The following DLG2 variants were observed in gnomAD, a reference collection of about 807,000 sequenced individuals.
DLG2 encodes disks large homolog 2.
Under a neutral mutation model 132.5 loss-of-function variants are expected in DLG2, and 45 were observed. The observed-to-expected ratio is 0.34, with a 90% CI of 0.27 to 0.44. The LOEUF (loss-of-function observed/expected upper bound fraction) is 0.44, where lower values mean the gene tolerates loss of function less well. DLG2 is among the 20% of genes least tolerant of loss of function. The pLI, the probability that DLG2 is intolerant of heterozygous loss-of-function variation, is 1.00. For missense variants in DLG2, 1,045 were observed against 1,196.9 expected, an observed-to-expected ratio of 0.87 and a Z score of 1.87; for synonymous variants, 424 against 419.6, an observed-to-expected ratio of 1.01 and a Z score of -0.13.
chr11:83,718,531 A>G (rs1380689318), intron 18 of DLG2, among the ~76,000 whole-genome samples: 7 of 132,680 alleles, frequency 5.3e-5, no homozygotes, highest in African/African-American at 2.0e-4. Flanking sequence ...TCTCAAAAAA[A>G]GAAAAAAAAA....
chr11:83,541,020 T>C (rs2141463189), intron 20 of DLG2, among the ~76,000 whole-genome samples: 1 of 152,224 alleles, frequency 6.6e-6, no homozygotes, highest in South Asian at 2.1e-4. Context: ...AAGAAATGCT[T>C]GGAAGAGAAA....
chr11:84,550,241 T>C (rs1004261167), intron 6 of DLG2, among the ~76,000 whole-genome samples: 1 of 152,120 alleles, frequency 6.6e-6, no homozygotes, highest in Non-Finnish European at 1.5e-5. Context: ...TTGTAGAGTA[T>C]TGTAGCATCC....
intron 4 of DLG2, among the ~76,000 whole-genome samples, chr11:85,211,993 T>A (rs539242243): frequency 6.6e-6 from 1 of 152,256 alleles, no homozygotes; most frequent in East Asian, 1.9e-4. Flanking sequence ...TTTCTGCTTA[T>A]CTACCTAATT....
chr11:84,039,389 T>C (rs920629075), intron 11 of DLG2, among the ~76,000 whole-genome samples: 1 of 114,572 alleles, frequency 8.7e-6, no homozygotes, highest in Admixed American at 1.1e-4. Flanking sequence ...CCCACAACAG[T>C]CCCCAGAGTG....
chr11:85,171,087 T>A (rs2078832136), intron 4 of DLG2, among the ~76,000 whole-genome samples: 1 of 152,140 alleles, frequency 6.6e-6, no homozygotes, highest in Non-Finnish European at 1.5e-5. Context: ...ACAAAATATT[T>A]ACCTAAATGC....
At chr11:84,127,788 C>T (rs1371682659) in intron 9 of DLG2, among the ~76,000 whole-genome samples, 3 of 152,112 alleles carry the variant, frequency 2.0e-5, no homozygotes, top group Non-Finnish European at 4.4e-5. Context: ...GTCTCTGTGT[C>T]TAAATTTCCC....
chr11:84,468,894 A>G (rs538646169), intron 7 of DLG2, among the ~76,000 whole-genome samples: 1 of 151,664 alleles, frequency 6.6e-6, no homozygotes, highest in South Asian at 2.1e-4. Flanking sequence ...AGGGAGACTC[A>G]TTGACTAATG....
At chr11:84,773,230 G>A (rs1010847736) in intron 6 of DLG2, among the ~76,000 whole-genome samples, 3 of 152,022 alleles carry the variant, frequency 2.0e-5, no homozygotes, top group Admixed American at 2.0e-4. Context: ...AGTGAACCAG[G>A]AATAAAATGA....
At chr11:85,162,703 G>C (rs1320188043) in intron 4 of DLG2, among the ~76,000 whole-genome samples, 2 of 152,112 alleles carry the variant, frequency 1.3e-5, no homozygotes, top group East Asian at 3.9e-4. Context: ...ATTTCCAGTT[G>C]TACAAACAAT....
chr11:84,870,600 TGAA>T (rs367911852), intron 6 of DLG2, among the ~76,000 whole-genome samples: 4 of 152,334 alleles, frequency 2.6e-5, no homozygotes, highest in Non-Finnish European at 5.9e-5. Flanking sequence ...CTGTTGACAA[TGAA>T]GAAGTGAAAT....
intron 7 of DLG2, among the ~76,000 whole-genome samples, chr11:84,413,137 T>C (rs1223238565): frequency 1.3e-5 from 2 of 152,166 alleles, no homozygotes; most frequent in African/African-American, 4.8e-5. Context: ...TCTCATTCAC[T>C]GGATCTATTT....
At chr11:84,417,230 T>C (rs1454190375) in intron 7 of DLG2, among the ~76,000 whole-genome samples, 11 of 152,254 alleles carry the variant, frequency 7.2e-5, no homozygotes, top group Admixed American at 7.2e-4. Context: ...CTTGGATTTC[T>C]TAATTCACAC....
chr11:84,057,790 C>T (rs971299952), intron 11 of DLG2, among the ~76,000 whole-genome samples: 8 of 152,128 alleles, frequency 5.3e-5, no homozygotes, highest in African/African-American at 1.9e-4. Flanking sequence ...GGAGCAAGTA[C>T]TATTCTTATT....
At chr11:83,561,255 G>A (rs1388120588) in intron 19 of DLG2, among the ~76,000 whole-genome samples, 1 of 152,186 alleles carries the variant, frequency 6.6e-6, no homozygotes, top group African/African-American at 2.4e-5. Context: ...GGGACATAGA[G>A]CCAAACCATA....
chr11:84,368,504 T>C (rs1226783299), intron 7 of DLG2, among the ~76,000 whole-genome samples: 2 of 152,096 alleles, frequency 1.3e-5, no homozygotes, highest in African/African-American at 2.4e-5. Flanking sequence ...TGTCCTCTAT[T>C]TAAAGCAAAT....
chr11:83,562,737 G>A (rs189039401), intron 19 of DLG2, among the ~76,000 whole-genome samples: 58 of 152,138 alleles, frequency 3.8e-4, no homozygotes, highest in Admixed American at 1.3e-3. Context: ...ACTTAGTGAG[G>A]TTGAAGTAGG....
At chr11:84,486,122 A>T (rs894844012) in intron 7 of DLG2, among the ~76,000 whole-genome samples, 7 of 152,044 alleles carry the variant, frequency 4.6e-5, no homozygotes, top group African/African-American at 1.7e-4. Flanking sequence ...GGGACCTAGT[A>T]ATGTGGAGTG....
rs1335271747 is a variant in DLG2 at position 84,851,851 on chromosome 11, G to A, written c.357+259810C>T. Among the ~76,000 whole-genome samples, 6 of 151,540 alleles carry A rather than the reference G, an allele frequency of 4.0e-5. 1 individual carries two copies. Among genetic ancestry groups the A allele is most frequent in the Admixed American group, 4.0e-4 (6 of 15,188 alleles). ...AAATTATATTCTATATATGTTAAAT[G>A]ATATAGATTTTTATTATGATAGTTA... On this transcript the variant is annotated intron_variant, in intron 6 of 27. Transcript: ENST00000376104.
At chr11:84,785,937 A>G (rs947176784) in intron 6 of DLG2, among the ~76,000 whole-genome samples, 1 of 152,124 alleles carries the variant, frequency 6.6e-6, no homozygotes. Context: ...AAGACCTAGA[A>G]TAAGTCTTTT....
Sources: gnomAD v4.1 joint callset for allele counts (sites outside exome capture counted in the v4.1 genomes callset) on GRCh38, gnomAD v4.1.1 for gene constraint, MANE v1.5 for transcripts, NCBI Gene and HGNC (gene_info 2026-07-23, HGNC 2026-07-21) for gene names.